NRXN3: variants seen among roughly 807,000 people sequenced by gnomAD.
NRXN3 encodes the protein neurexin III.
A neutral mutation model predicts 137.6 loss-of-function variants in NRXN3; 32 were observed. The observed-to-expected ratio is 0.23, with a 90% CI of 0.18 to 0.31. The LOEUF is 0.31. Ranked by LOEUF, NRXN3 falls within the 10% of genes least tolerant of loss-of-function variation. The pLI is 1.00. For missense variants in NRXN3, 1,574 were observed against 2,062.5 expected (o/e 0.76, Z 4.59); for synonymous variants, 798 against 784.5 (o/e 1.02, Z -0.29).
At chr14:79,584,459 G>A (rs2153814314) in intron 16 of NRXN3, among the ~76,000 whole-genome samples, 1 of 152,228 alleles carries the variant, frequency 6.6e-6, no homozygotes, top group Non-Finnish European at 1.5e-5. Context: ...AGGATTAGAG[G>A]GAAGAAATGA....
chr14:78,404,000 A>C, intron 4 of NRXN3: 1 of 524,896 alleles, frequency 1.9e-6, no homozygotes, highest in Non-Finnish European at 2.4e-6. Flanking sequence ...TGGAAGCTTA[A>C]ATGTGGGGCA....
chr14:79,163,846 A>G (rs952993086), intron 15 of NRXN3, among the ~76,000 whole-genome samples: 4 of 151,950 alleles, frequency 2.6e-5, no homozygotes, highest in African/African-American at 9.7e-5. Flanking sequence ...CATGTTATTT[A>G]TAGTACTTTT....
At chr14:79,028,280 A>C (rs753700603) in intron 15 of NRXN3, among the ~76,000 whole-genome samples, 5 of 152,162 alleles carry the variant, frequency 3.3e-5, no homozygotes, top group Non-Finnish European at 7.3e-5. Context: ...AGCTAACATA[A>C]GGTACTGAAA....
intron 8 of NRXN3, among the ~76,000 whole-genome samples, chr14:78,773,098 C>T (rs145047521): frequency 4.6e-5 from 7 of 152,234 alleles, no homozygotes; most frequent in Admixed American, 1.3e-4. Flanking sequence ...TTCATTAACA[C>T]GGGTTGTTTG....
At chr14:79,464,404 GT>G (rs569413601) in intron 15 of NRXN3, among the ~76,000 whole-genome samples, 248 of 151,928 alleles carry the variant, frequency 1.6e-3, no homozygotes, top group African/African-American at 5.5e-3. Flanking sequence ...GTGAAGTTTT[GT>G]TTTTTGTTTA....
At chr14:78,269,638 C>T in intron 2 of NRXN3, among the ~76,000 whole-genome samples, 1 of 152,130 alleles carries the variant, frequency 6.6e-6, no homozygotes, top group East Asian at 1.9e-4. Context: ...ACTGGGAAAA[C>T]AAAACTAGCA....
intron 10 of NRXN3, among the ~76,000 whole-genome samples, chr14:78,944,885 G>C (rs756123684): frequency 3.9e-5 from 6 of 152,158 alleles, no homozygotes; most frequent in South Asian, 2.1e-4. Context: ...ATCCATCCCA[G>C]ATCTTCTGAA....
intron 11 of NRXN3, among the ~76,000 whole-genome samples, chr14:78,958,652 G>A (rs991194158): frequency 6.6e-6 from 1 of 152,150 alleles, no homozygotes; most frequent in African/African-American, 2.4e-5. Context: ...ATCGCGCCAG[G>A]CCTTACATGC....
intron 1 of NRXN3, among the ~76,000 whole-genome samples, chr14:78,204,694 A>G (rs953525685): frequency 1.3e-5 from 2 of 152,234 alleles, no homozygotes; most frequent in African/African-American, 4.8e-5. Context: ...AATGTTAATC[A>G]TTTCTAAGTG....
chr14:79,164,398 A>AT (rs2061096918), intron 15 of NRXN3, among the ~76,000 whole-genome samples: 1 of 151,956 alleles, frequency 6.6e-6, no homozygotes, highest in South Asian at 2.1e-4. Flanking sequence ...TGTTTTCTGC[A>AT]TTTTCATTTG....
intron 6 of NRXN3, among the ~76,000 whole-genome samples, chr14:78,693,805 G>A (rs181699795): frequency 6.6e-6 from 1 of 151,588 alleles, no homozygotes; most frequent in African/African-American, 2.4e-5. Context: ...CTGAACCAGA[G>A]CGATTTCCTA....
At chr14:78,616,334 T>A (rs2097347141) in intron 4 of NRXN3, among the ~76,000 whole-genome samples, 1 of 152,180 alleles carries the variant, frequency 6.6e-6, no homozygotes, top group Non-Finnish European at 1.5e-5. Context: ...GCCTTCAAAT[T>A]CATCAAGCTC....
chr14:78,504,702 A>G (rs2095948733), intron 4 of NRXN3, among the ~76,000 whole-genome samples: 1 of 152,168 alleles, frequency 6.6e-6, no homozygotes, highest in Non-Finnish European at 1.5e-5. Flanking sequence ...CTTTAATCAT[A>G]TGAGTCCTTT....
intron 4 of NRXN3, among the ~76,000 whole-genome samples, chr14:78,605,946 T>A (rs1566871954): frequency 6.6e-6 from 1 of 152,176 alleles, no homozygotes; most frequent in African/African-American, 2.4e-5. Flanking sequence ...CGAGTGTGTA[T>A]ACATGTTTTT....
chr14:78,780,583 G>A (rs12147240), intron 8 of NRXN3, among the ~76,000 whole-genome samples: 1 of 152,092 alleles, frequency 6.6e-6, no homozygotes, highest in Admixed American at 6.5e-5. Context: ...ATTGTATAAT[G>A]ACCCCCTACA....
Position 78,709,334 on chromosome 14 carries a change from G to T in NRXN3, c.1339G>T (p.Asp447Tyr). Residue 447 changes from aspartate (D) to tyrosine (Y), a missense_variant, in exon 7 of 21, where the codon GAC (aspartate) becomes TAC (tyrosine). Coordinates refer to ENST00000335750, the MANE Select transcript of NRXN3 (RefSeq NM_001330195.2). Reference sequence around the variant, plus strand: ...TAAGTGTGAGAATGTGGCCACACTGGACCCCATCAACTTTGAGACCCCAGA... The same window carrying T: ...TAAGTGTGAGAATGTGGCCACACTGTACCCCATCAACTTTGAGACCCCAGA... ...VFKCENVATLDPINFETPEAY... is the reference protein window; with the variant it reads ...VFKCENVATLYPINFETPEAY... 1 of 1,614,058 alleles carries T rather than the reference G, an allele frequency of 6.2e-7. No individual in the cohort carries two copies. The highest frequency in any genetic ancestry group is 8.5e-7 in the Non-Finnish European group (1 of 1,180,000).
chr14:79,264,564 G>A (rs891102279), intron 15 of NRXN3, among the ~76,000 whole-genome samples: 18 of 151,588 alleles, frequency 1.2e-4, no homozygotes, highest in African/African-American at 1.5e-4. Flanking sequence ...GTGTGCGCGC[G>A]TGCATGTATG....
chr14:78,662,659 TCTACGATGAATGAC>T (rs2097850889), intron 6 of NRXN3, among the ~76,000 whole-genome samples: 1 of 152,206 alleles, frequency 6.6e-6, no homozygotes, highest in African/African-American at 2.4e-5. Context: ...GATCTATAGT[TCTACGATGAATGAC>T]CTATCTGCAA....
intron 8 of NRXN3, among the ~76,000 whole-genome samples, chr14:78,782,190 T>C: frequency 6.6e-6 from 1 of 152,214 alleles, no homozygotes; most frequent in East Asian, 1.9e-4. Context: ...CATTTTCAAA[T>C]ATTTCCTCTG....
Sources: allele counts gnomAD v4.1 joint callset (sites outside exome capture counted in the v4.1 genomes callset), GRCh38; gene constraint gnomAD v4.1.1; transcripts MANE v1.5; gene names NCBI Gene and HGNC (gene_info 2026-07-23, HGNC 2026-07-21).